Variants in COL11A1 observed in about 807,000 individuals in gnomAD.
The protein encoded by COL11A1 is collagen type XI alpha 1 chain, also known as collagen alpha-1(XI) chain.
COL11A1 carries 74 observed loss-of-function variants against 265.2 expected under a neutral mutation model. The ratio of observed to expected loss-of-function variants is 0.28; its 90% CI spans 0.23 to 0.34. The LOEUF (loss-of-function observed/expected upper bound fraction) is 0.34. Among genes scored for constraint, COL11A1 ranks in the 10% least tolerant of loss-of-function variants. The pLI, the probability that COL11A1 is intolerant of heterozygous loss-of-function variation, is 1.00. For missense variants in COL11A1, 2,165 were observed against 2,263.6 expected (o/e 0.96, Z 0.88); for synonymous variants, 816 against 727.6 (o/e 1.12, Z -1.96).
chr1:103,014,714 G>GT, intron 12 of COL11A1, 120 bp from the exon 13 acceptor site: 1 of 783,826 alleles, frequency 1.3e-6, no homozygotes, highest in Non-Finnish European at 2.2e-6. Context: ...AAATTACAAA[G>GT]TAACTCCGTA....
chr1:102,880,073 T>G, intron 65 of COL11A1, 157 bp from the exon 66 acceptor site: 1 of 614,774 alleles, frequency 1.6e-6, no homozygotes, highest in South Asian at 2.0e-5. Context: ...ACATTGAGGG[T>G]CAGAAGACCC....
intron 63 of COL11A1, 45 bp downstream of exon 63, chr1:102,886,762 C>T: frequency 6.2e-7 from 1 of 1,613,198 alleles, no homozygotes. Flanking sequence ...ACCTCAGAAA[C>T]TCAGGGGCTC....
rs542970529 is a variant in COL11A1 at position 102,934,386 on chromosome 1, AC to A, written c.3600+62del. ...GAAAAAAATACTTTGTTTTACATCC[AC>A]CAGAAAACCTGGTGAGAAGTAGGTA... is the stretch of plus-strand genomic sequence containing the variant. On this transcript the variant is annotated intron_variant, in intron 46 of 66. Coordinates refer to ENST00000370096, the MANE Select transcript of COL11A1 (RefSeq NM_001854.4). 3.1e-3 allele frequency: 3,710 copies of A among 1,188,696 alleles called. 11 individuals are homozygous for A. The highest frequency in any genetic ancestry group is 4.1e-3 in the Non-Finnish European group (3,240 of 793,900). 73.6% of individuals were successfully genotyped at this position (1,188,696 alleles called of 1,614,324 possible).
chr1:103,015,711 G>T lies in COL11A1; in HGVS notation c.1445C>A (p.Ala482Asp). 1 of 1,608,790 alleles carries T rather than the reference G, an allele frequency of 6.2e-7. No individual in the cohort carries two copies. Among genetic ancestry groups the T allele is most frequent in the Non-Finnish European group, 8.5e-7 (1 of 1,177,118 alleles). The change falls in exon 12 of 67, where the codon GCT becomes GAT. Residue 482 changes from alanine (A) to aspartate (D), a missense_variant. Physicochemically the swap from Ala to Asp is moderately radical, Grantham distance 126. Coordinates refer to ENST00000370096, the MANE Select transcript of COL11A1 (RefSeq NM_001854.4). Reference protein sequence around the residue: ...GPPGRPGLPGADGLPGPPGTM... With the variant: ...GPPGRPGLPGDDGLPGPPGTM... The stretch of plus-strand genomic sequence containing the variant: ...ACCAGGAGGACCAGGTAGACCATCA[G>T]CCCCTGGTAAGCCAGGACGTCCTGG...
In COL11A1 at chr1:102,955,870, TG is replaced by T. The variant is rs552104076; in HGVS notation, c.3168+5995del. On this transcript the variant is annotated intron_variant, in intron 41 of 66. Coordinates refer to ENST00000370096, the MANE Select transcript of COL11A1 (RefSeq NM_001854.4). Reference sequence around the variant, plus strand: ...GTCTCTTGCTACTTTCTGCCTTGTGTGTGCATCAAGACATCCATTTAGTGAC... The same window carrying T: ...GTCTCTTGCTACTTTCTGCCTTGTGTTGCATCAAGACATCCATTTAGTGAC... Among the ~76,000 whole-genome samples the T allele has an allele frequency of 4.6e-5, 7 of 152,294 alleles. No individual in the cohort carries two copies. The South Asian group carries it at 1.5e-3, about 32-fold the overall frequency.
In COL11A1 at chr1:102,898,927, T is replaced by G; in HGVS notation, c.4140+14A>C. On this transcript the variant is annotated intron_variant, in intron 55 of 66. Transcript: ENST00000370096. ...TATATAATATATATTATGTATATAT[T>G]ATTTTTTTTTTACCTTAGCACCTTT... 1 of 1,336,612 alleles carries G rather than the reference T, an allele frequency of 7.5e-7. No individual in the cohort carries two copies. The highest frequency in any genetic ancestry group is 1.5e-5 in the African/African-American group (1 of 66,966). The allele number at this position is 1,336,612 out of a possible 1,614,324, so 82.8% of individuals were successfully genotyped here.
chr1:103,014,063 A>T (rs538336370), intron 13 of COL11A1, among the ~76,000 whole-genome samples: 1 of 152,184 alleles, frequency 6.6e-6, no homozygotes, highest in East Asian at 1.9e-4. Flanking sequence ...ATGCCCAAAA[A>T]ATTTAATTTT....
intron 42 of COL11A1, among the ~76,000 whole-genome samples, chr1:102,941,789 G>T (rs966282068): frequency 2.0e-5 from 3 of 152,036 alleles, no homozygotes; most frequent in Non-Finnish European, 4.4e-5. Context: ...ACCTGAGTTT[G>T]CCATTATATA....
intron 35 of COL11A1, among the ~76,000 whole-genome samples, chr1:102,976,266 T>A (rs1451473463): frequency 1.4e-5 from 2 of 146,888 alleles, no homozygotes; most frequent in African/African-American, 2.5e-5. Flanking sequence ...TGAGTCTTTA[T>A]AAAATTTCAC....
At chr1:103,048,357 T>C (rs547498876) in intron 4 of COL11A1, among the ~76,000 whole-genome samples, 7 of 152,346 alleles carry the variant, frequency 4.6e-5, no homozygotes, top group Admixed American at 3.3e-4. Context: ...GAGGAATTTA[T>C]CCATTTCTTC....
At chr1:103,015,528 C>A in intron 12 of COL11A1, 140 bp downstream of exon 12, 1 of 598,296 alleles carries the variant, frequency 1.7e-6, no homozygotes, top group Non-Finnish European at 2.8e-6. Context: ...CCCTGAATTT[C>A]CAAATGCTGC....
At position 103,022,743 on chromosome 1, in the gene COL11A1, C is replaced by T. The variant is rs777310574; in HGVS notation, c.1244G>A (p.Ser415Asn). The T allele has an allele frequency of 1.4e-5, 23 of 1,613,404 alleles. No individual in the cohort carries two copies. The African/African-American group carries it at 2.4e-4, about 17-fold the overall frequency. The stretch of plus-strand genomic sequence containing the variant: ...ACACAGTGCATAGTATCAACTTACG[C>T]TTGTTTCTGTAATATCAGTTTCTGC... ...VPAETDITETSINGHGAYGEK... is the reference protein window; with the variant it reads ...VPAETDITETNINGHGAYGEK... The change falls in exon 8 of 67, where the codon AGC (serine) becomes AAC (asparagine). Residue 415 changes from serine to asparagine, a missense_variant and splice_region_variant. Physicochemically the swap from Ser to Asn is conservative, Grantham distance 46 (BLOSUM62 1). Coordinates refer to ENST00000370096, the MANE Select transcript of COL11A1 (RefSeq NM_001854.4).
intron 41 of COL11A1, among the ~76,000 whole-genome samples, chr1:102,957,020 C>T (rs1055349695): frequency 6.6e-6 from 1 of 151,790 alleles, no homozygotes; most frequent in African/African-American, 2.4e-5. Flanking sequence ...AAAGATGACC[C>T]TGTATAAAGC....
rs528104107 is a variant in COL11A1, at chr1:103,015,487, A to G, written c.1488+181T>C. On this transcript the variant is annotated intron_variant, in intron 12 of 66. Transcript: ENST00000370096. ...ATGAATTCTTAGTTTTAATGCAGAG[A>G]TTGATACCATAATTTTGTTTTGTAA... 2.6e-5 allele frequency among the ~76,000 whole-genome samples: 4 copies of G among 152,184 alleles called. No individual in the cohort carries two copies. The East Asian group carries it at 7.7e-4, about 29-fold the overall frequency.
intron 46 of COL11A1, among the ~76,000 whole-genome samples, chr1:102,925,457 T>C (rs978438514): frequency 2.0e-4 from 30 of 152,116 alleles, no homozygotes; most frequent in African/African-American, 7.2e-4. Context: ...TATTCATTTT[T>C]ATGAGGAAAT....
At chr1:103,017,779 T>C in intron 11 of COL11A1, 41 bp downstream of exon 11, 1 of 1,491,978 alleles carries the variant, frequency 6.7e-7, no homozygotes, top group Non-Finnish European at 9.4e-7. Context: ...TAAGTCTGTA[T>C]GACATGCATT....
chr1:103,002,176 A>G (rs903882760), intron 23 of COL11A1, among the ~76,000 whole-genome samples: 2 of 152,184 alleles, frequency 1.3e-5, no homozygotes, highest in Non-Finnish European at 2.9e-5. Context: ...GATCCTATTC[A>G]GAACCCTCCT....
At chr1:102,879,979 T>C in intron 65 of COL11A1, 63 bp from the exon 66 acceptor site, 1 of 1,082,590 alleles carries the variant, frequency 9.2e-7, no homozygotes, top group Non-Finnish European at 1.4e-6. Flanking sequence ...TACAAAGAAT[T>C]AAATCACTGC....
intron 54 of COL11A1, among the ~76,000 whole-genome samples, chr1:102,901,635 G>A (rs1417432790): frequency 6.6e-6 from 1 of 152,184 alleles, no homozygotes; most frequent in Non-Finnish European, 1.5e-5. Context: ...CTTTGATGAA[G>A]TAATGAGTGT....
Sources: allele counts gnomAD v4.1 joint callset (sites outside exome capture counted in the v4.1 genomes callset), GRCh38; gene constraint gnomAD v4.1.1; transcripts MANE v1.5; gene names NCBI Gene and HGNC (gene_info 2026-07-23, HGNC 2026-07-21).